SMAP1: variants seen among roughly 807,000 people sequenced by gnomAD.
SMAP1 encodes small ArfGAP 1.
SMAP1 carries 24 observed loss-of-function variants against 58.5 expected under a neutral mutation model. That is an observed-to-expected ratio of 0.41 (90% CI 0.30 to 0.58). The LOEUF (loss-of-function observed/expected upper bound fraction) is 0.58, where lower values mean the gene tolerates loss of function less well. Among genes scored for constraint, SMAP1 ranks in the 20% least tolerant of loss-of-function variants. The probability of loss-of-function intolerance (pLI) is 0.29; values close to 1 mark genes in which losing one functional copy is unlikely to be tolerated. For missense variants in SMAP1, 563 were observed against 566.3 expected, an observed-to-expected ratio of 0.99 and a Z score of 0.06; for synonymous variants, 216 against 196.6, an observed-to-expected ratio of 1.10 and a Z score of -0.82.
chr6:70,855,765 C>G (rs1454181333), intron 8 of SMAP1, among the ~76,000 whole-genome samples: 3 of 152,288 alleles, frequency 2.0e-5, no homozygotes, highest in East Asian at 3.9e-4. Context: ...AGCCCATGCT[C>G]TTAGCTCTAT....
At chr6:70,855,042 C>T (rs1771343609) in intron 8 of SMAP1, among the ~76,000 whole-genome samples, 1 of 79,094 alleles carries the variant, frequency 1.3e-5, no homozygotes, top group Admixed American at 1.2e-4. Flanking sequence ...AACCCCTTTC[C>T]TGTTCTTTCA....
At chr6:70,719,794 A>G (rs958704805) in intron 1 of SMAP1, among the ~76,000 whole-genome samples, 3 of 152,160 alleles carry the variant, frequency 2.0e-5, no homozygotes, top group Non-Finnish European at 4.4e-5. Flanking sequence ...AGACTTATTA[A>G]CTATAATGAG....
intron 2 of SMAP1, among the ~76,000 whole-genome samples, chr6:70,747,148 C>T (rs1040854910): frequency 1.3e-5 from 2 of 152,116 alleles, no homozygotes; most frequent in East Asian, 1.9e-4. Flanking sequence ...GCTTCTGGCT[C>T]TATTAACTAA....
Position 70,861,572 on chromosome 6 carries a change from C to A in SMAP1, c.*1238C>A. ...GGCTGCTGTACTGAAGTAAAACAAACAATACCTGAATGCTCTGTAGCCTAA... is the reference window on the plus strand; with the variant it reads ...GGCTGCTGTACTGAAGTAAAACAAAAAATACCTGAATGCTCTGTAGCCTAA... On this transcript the variant is annotated 3_prime_UTR_variant, in exon 11 of 11. Coordinates refer to ENST00000370455, the MANE Select transcript of SMAP1 (RefSeq NM_001044305.3). 8.4e-7 allele frequency: 1 copy of A among 1,197,062 alleles called. No homozygotes were observed. The allele number at this position is 1,197,062 out of a possible 1,614,324, so 74.2% of individuals were successfully genotyped here. A position where few individuals can be genotyped will look rare whatever the true frequency, so the allele number is the denominator to read the frequency against.
chr6:70,726,605 A>T (rs746085444), intron 1 of SMAP1, among the ~76,000 whole-genome samples: 4 of 152,226 alleles, frequency 2.6e-5, no homozygotes, highest in Non-Finnish European at 5.9e-5. Context: ...TCATCATGGT[A>T]ATCAGAAACT....
chr6:70,830,251 T>G (rs977915721), intron 6 of SMAP1, among the ~76,000 whole-genome samples: 20 of 152,102 alleles, frequency 1.3e-4, no homozygotes, highest in African/African-American at 4.8e-4. Flanking sequence ...TAAAGTGGAG[T>G]GAGTCTGTAT....
intron 1 of SMAP1, among the ~76,000 whole-genome samples, chr6:70,689,964 A>G (rs527511452): frequency 3.9e-5 from 6 of 152,298 alleles, no homozygotes; most frequent in South Asian, 4.1e-4. Flanking sequence ...CGTGGATTCT[A>G]TTAGGTCTCC....
chr6:70,779,735 A>G (rs1767684775), intron 4 of SMAP1, among the ~76,000 whole-genome samples: 1 of 152,136 alleles, frequency 6.6e-6, no homozygotes, highest in Non-Finnish European at 1.5e-5. Flanking sequence ...CAATGTGTTG[A>G]ATAGAGCATG....
Position 70,673,759 on chromosome 6 carries a change from C to A in SMAP1, c.118+5618C>A, listed in dbSNP as rs533666166. Among the ~76,000 whole-genome samples the A allele has an allele frequency of 1.2e-4, 18 of 152,316 alleles. No individual in the cohort carries two copies. In the South Asian group the frequency reaches 3.5e-3, roughly 30 times the overall value. On this transcript the variant is annotated intron_variant, in intron 1 of 10. Transcript: ENST00000370455. Reference sequence around the variant, plus strand: ...CTGTTGTTCTTGTAATTCTGCTGATCTCGAGGTTTTTCCTGATTGGGCAGA... The same window carrying A: ...CTGTTGTTCTTGTAATTCTGCTGATATCGAGGTTTTTCCTGATTGGGCAGA...
At chr6:70,781,759 A>G (rs1003212878) in intron 4 of SMAP1, among the ~76,000 whole-genome samples, 6 of 152,244 alleles carry the variant, frequency 3.9e-5, no homozygotes, top group South Asian at 2.1e-4. Flanking sequence ...ATGGCCTTCA[A>G]TTACTTCATA....
At chr6:70,682,925 G>A (rs888125284) in intron 1 of SMAP1, among the ~76,000 whole-genome samples, 61 of 151,990 alleles carry the variant, frequency 4.0e-4, no homozygotes, top group African/African-American at 1.3e-3. Context: ...GTAATCCCAG[G>A]TACTTGGGAG....
chr6:70,754,493 A>G (rs926169878), intron 2 of SMAP1, among the ~76,000 whole-genome samples: 5 of 152,184 alleles, frequency 3.3e-5, no homozygotes, highest in African/African-American at 1.2e-4. Flanking sequence ...AAATTAATAC[A>G]TTTTTACAGA....
intron 7 of SMAP1, among the ~76,000 whole-genome samples, 167 bp downstream of exon 7, chr6:70,837,195 A>G (rs1293456784): frequency 6.6e-6 from 1 of 152,234 alleles, no homozygotes; most frequent in Non-Finnish European, 1.5e-5. Flanking sequence ...GAAATCTTTA[A>G]TAAGGGAGCC....
At chr6:70,759,200 C>G (rs1174705174) in intron 3 of SMAP1, among the ~76,000 whole-genome samples, 1 of 152,070 alleles carries the variant, frequency 6.6e-6, no homozygotes, top group Non-Finnish European at 1.5e-5. Context: ...GGAAAAACAG[C>G]CCAGCATACA....
chr6:70,854,359 T>C (rs2460687), intron 8 of SMAP1, among the ~76,000 whole-genome samples: 82,408 of 152,010 alleles, frequency 0.54, 22,801 homozygotes, highest in East Asian at 0.78. Flanking sequence ...TGGTGGTTCA[T>C]GCCTGTAATC....
chr6:70,693,716 C>G (rs1190608522), intron 1 of SMAP1: 1 of 152,444 alleles, frequency 6.6e-6, no homozygotes. Context: ...AAAGCTTTGG[C>G]CTCCAGCTTT....
intron 6 of SMAP1, among the ~76,000 whole-genome samples, chr6:70,825,402 A>G (rs1381269966): frequency 2.0e-5 from 3 of 152,164 alleles, no homozygotes; most frequent in African/African-American, 7.2e-5. Flanking sequence ...TTTGCTAATA[A>G]GTGGTATTAT....
rs965139102 is a variant in SMAP1 at position 70,691,741 on chromosome 6, A to C, written c.118+23600A>C. Among the ~76,000 whole-genome samples, 13 of 152,320 alleles carry C rather than the reference A, an allele frequency of 8.5e-5. No homozygotes were observed. In the East Asian group the frequency reaches 1.3e-3, roughly 16 times the overall value. ...TCTTTCTGTGCCTGACATTTCACTT[A>C]ACATAATATCCTCTAGTTCCATCCA... On this transcript the variant is annotated intron_variant, in intron 1 of 10. Coordinates refer to ENST00000370455, the MANE Select transcript of SMAP1 (RefSeq NM_001044305.3).
intron 4 of SMAP1, among the ~76,000 whole-genome samples, chr6:70,789,704 A>G (rs1342083692): frequency 2.1e-5 from 3 of 142,798 alleles, no homozygotes; most frequent in African/African-American, 7.8e-5. Flanking sequence ...CAGCCTGGGT[A>G]ACATAGAAAG....
Sources: allele counts gnomAD v4.1 joint callset (sites outside exome capture counted in the v4.1 genomes callset), GRCh38; gene constraint gnomAD v4.1.1; transcripts MANE v1.5; gene names NCBI Gene and HGNC (gene_info 2026-07-23, HGNC 2026-07-21).